TFEC: variants seen among roughly 807,000 people sequenced by gnomAD.
TFEC encodes the protein class E basic helix-loop-helix protein 34.
Under a neutral mutation model 41.6 loss-of-function variants are expected in TFEC, and 31 were observed. The observed-to-expected ratio is 0.74, with a 90% CI of 0.56 to 1.01. The LOEUF is 1.01. TFEC is among the 50% of genes least tolerant of loss of function. TFEC has a pLI of 0.00. For missense variants in TFEC, 402 were observed against 404.1 expected (o/e 0.99, Z 0.04); for synonymous variants, 143 against 140.6 (o/e 1.02, Z -0.12).
Position 116,045,549 on chromosome 7 carries a change from C to G in TFEC, c.199-61036G>C, listed in dbSNP as rs544736268. Among the ~76,000 whole-genome samples the G allele has an allele frequency of 3.3e-5, 5 of 152,294 alleles. No individual in the cohort carries two copies. In the South Asian group the frequency reaches 8.3e-4, roughly 25 times the overall value. ...GAAGTCAGAAATTGAGGTTTGGGAA[C>G]CTCTGCCTAGATTTCAGAAGATGTA... On this transcript the variant is annotated intron_variant, in intron 3 of 8. Transcript: ENST00000484212.
intron 3 of TFEC, among the ~76,000 whole-genome samples, chr7:115,957,676 T>G (rs1293108938): frequency 6.6e-6 from 1 of 151,942 alleles, no homozygotes; most frequent in East Asian, 1.9e-4. Context: ...AGTATCTTTC[T>G]TCCACTTCTG....
intron 3 of TFEC, among the ~76,000 whole-genome samples, chr7:116,107,677 G>C (rs1001135439): frequency 6.6e-6 from 1 of 152,112 alleles, no homozygotes; most frequent in East Asian, 1.9e-4. Context: ...ACTTCATACT[G>C]GGTTACTCTT....
intron 1 of TFEC, among the ~76,000 whole-genome samples, chr7:116,152,148 C>T (rs905049806): frequency 1.3e-5 from 2 of 152,094 alleles, no homozygotes; most frequent in African/African-American, 4.8e-5. Flanking sequence ...GTCAAGGACT[C>T]CCATTGCCAG....
chr7:116,034,416 T>G (rs540928159), upstream of TFEC, among the ~76,000 whole-genome samples: 1 of 152,184 alleles, frequency 6.6e-6, no homozygotes, highest in East Asian at 1.9e-4. Flanking sequence ...CTTCCAACCA[T>G]GCACCACTTG....
chr7:115,974,415 TA>T (rs1793282300), intron 2 of TFEC, among the ~76,000 whole-genome samples, 159 bp from the exon 3 acceptor site: 1 of 33,720 alleles, frequency 3.0e-5, no homozygotes, highest in East Asian at 7.7e-4. Context: ...ATTATATATA[TA>T]TATATATATA....
At chr7:116,048,950 C>A (rs1796240147) in intron 3 of TFEC, among the ~76,000 whole-genome samples, 3 of 152,242 alleles carry the variant, frequency 2.0e-5, no homozygotes, top group Non-Finnish European at 2.9e-5. Flanking sequence ...TTGTCACCAC[C>A]AAGCCTGCCT....
chr7:115,960,579 C>G (rs537352615), intron 3 of TFEC, among the ~76,000 whole-genome samples: 2 of 151,508 alleles, frequency 1.3e-5, no homozygotes, highest in East Asian at 3.9e-4. Context: ...GGGTTGCTGT[C>G]GCAGGGAAGC....
chr7:115,984,310 G>T lies in TFEC; in HGVS notation c.132C>A (p.Leu44=). The change falls in exon 2 of 8, where the codon CTC becomes CTA. Residue 44 remains leucine, a synonymous_variant. Transcript: ENST00000265440. ...CTTTCCCAATAGCTAGTAACTTGGT[G>T]AGTGGGTTTTCTGTGAGGCCAGCAT... The part of the protein sequence containing the change: ...DSDAGLTENP[L]TKLLAIGKED... The T allele has an allele frequency of 6.2e-7, 1 of 1,614,104 alleles. No individual in the cohort carries two copies. Among genetic ancestry groups the T allele is most frequent in the Non-Finnish European group, 8.5e-7 (1 of 1,179,970 alleles).
intron 3 of TFEC, among the ~76,000 whole-genome samples, chr7:116,042,296 T>C (rs2130925345): frequency 6.6e-6 from 1 of 152,214 alleles, no homozygotes; most frequent in Non-Finnish European, 1.5e-5. Context: ...GTTAGAAGAA[T>C]TGCATTGTAT....
rs1175497109 is a variant in TFEC at position 115,984,283 on chromosome 7, T to G, written c.159A>C (p.Glu53Asp). Residue 53 changes from glutamate (E) to aspartate (D), a missense_variant, in exon 2 of 8, where the codon GAA becomes GAC. Coordinates refer to ENST00000265440, the MANE Select transcript of TFEC (RefSeq NM_012252.4). ...PLTKLLAIGK[E>D]DDNAQWHMED... ...ATACATGCCATTGTGCATTGTCATC[T>G]TCTTTCCCAATAGCTAGTAACTTGG... 1 of 1,613,974 alleles carries G rather than the reference T, an allele frequency of 6.2e-7. No homozygotes were observed. The highest frequency in any genetic ancestry group is 8.5e-7 in the Non-Finnish European group (1 of 1,179,936).
chr7:116,102,800 T>C (rs1797633732), intron 3 of TFEC, among the ~76,000 whole-genome samples: 1 of 152,322 alleles, frequency 6.6e-6, no homozygotes, highest in African/African-American at 2.4e-5. Context: ...GTGGCATCTA[T>C]GTAGAAGAGG....
At chr7:116,045,252 T>G (rs1584444945) in intron 3 of TFEC, among the ~76,000 whole-genome samples, 1 of 152,228 alleles carries the variant, frequency 6.6e-6, no homozygotes, top group East Asian at 1.9e-4. Context: ...AGGAACTTTT[T>G]GGGAAATGGA....
chr7:115,977,183 T>C (rs542155124), intron 2 of TFEC, among the ~76,000 whole-genome samples: 1 of 152,214 alleles, frequency 6.6e-6, no homozygotes, highest in South Asian at 2.1e-4. Flanking sequence ...CACACCATTT[T>C]GTATCAGATG....
At chr7:115,980,516 A>G (rs1268658757) in intron 2 of TFEC, among the ~76,000 whole-genome samples, 1 of 152,140 alleles carries the variant, frequency 6.6e-6, no homozygotes, top group Non-Finnish European at 1.5e-5. Flanking sequence ...TTGGGAGGCC[A>G]AGGCAGGTGA....
rs571320611 is a variant in TFEC, at chr7:116,047,061, C to T, written c.199-62548G>A. ...ATGAATAACCTGGTTCCAAGATGGC[C>T]GAATAGGAACAGCTCCAGTCTGTAG... On this transcript the variant is annotated intron_variant, in intron 3 of 8. Transcript: ENST00000484212. Among the ~76,000 whole-genome samples the T allele has an allele frequency of 5.3e-5, 8 of 152,196 alleles. No individual in the cohort carries two copies. The East Asian group carries it at 5.8e-4, about 11-fold the overall frequency.
Position 115,945,140 on chromosome 7 carries a change from C to CT in TFEC, c.516-3101dup, listed in dbSNP as rs35119397. ...AACTCAAACTAAAATCTTGTATGGT[C>CT]TTTTTTTTTTTTCAGATCCACTGTT... On this transcript the variant is annotated intron_variant, in intron 6 of 7. Transcript: ENST00000265440. 7.4e-4 allele frequency among the ~76,000 whole-genome samples: 106 copies of CT among 144,030 alleles called. 5 individuals are homozygous for CT. In the East Asian group the frequency reaches 8.6e-3, roughly 12 times the overall value. The allele number at this position is 144,030 out of a possible 152,430, so 94.5% of individuals were successfully genotyped here. A position where few individuals can be genotyped will look rare whatever the true frequency, so the allele number is the denominator to read the frequency against.
At chr7:115,943,051 T>C (rs10266045) in intron 6 of TFEC, among the ~76,000 whole-genome samples, 30,546 of 151,958 alleles carry the variant, frequency 0.2, 3,275 homozygotes, top group East Asian at 0.41. Flanking sequence ...AGCAGTAAAA[T>C]ATTAAAAGAA....
intron 1 of TFEC, 144 bp downstream of exon 1, chr7:116,030,489 G>C: frequency 2.5e-6 from 1 of 394,728 alleles, no homozygotes. Context: ...TGACTACTCA[G>C]ATATCCTGAT....
At chr7:115,960,054 A>G (rs1229173773) in intron 3 of TFEC, among the ~76,000 whole-genome samples, 1 of 151,396 alleles carries the variant, frequency 6.6e-6, no homozygotes, top group Non-Finnish European at 1.5e-5. Flanking sequence ...TGTTTATAGA[A>G]TGCCTAATAA....
Sources: gnomAD v4.1 joint callset for allele counts (sites outside exome capture counted in the v4.1 genomes callset) on GRCh38, gnomAD v4.1.1 for gene constraint, MANE v1.5 for transcripts, NCBI Gene and HGNC (gene_info 2026-07-23, HGNC 2026-07-21) for gene names.